SP110: variants seen among roughly 807,000 people sequenced by gnomAD.
SP110 encodes the protein interferon-induced protein 41, 30kD.
A neutral mutation model predicts 92.7 loss-of-function variants in SP110; 62 were observed. That is an observed-to-expected ratio of 0.67 (90% CI 0.55 to 0.83). The LOEUF (loss-of-function observed/expected upper bound fraction) is 0.83, where lower values mean the gene tolerates loss of function less well. Among genes scored for constraint, SP110 ranks in the 40% least tolerant of loss-of-function variants. SP110 has a pLI of 0.00. For synonymous variants in SP110, 273 were observed against 305.3 expected (o/e 0.89, Z 1.10); for missense variants, 793 against 863.9 (o/e 0.92, Z 1.03).
upstream of SP110, among the ~76,000 whole-genome samples, chr2:230,220,269 C>G (rs913723146): frequency 5.3e-5 from 8 of 152,170 alleles, no homozygotes; most frequent in Non-Finnish European, 1.0e-4. Flanking sequence ...GCTTCCCTAA[C>G]CACATCTATT....
chr2:230,202,800 G>T lies in SP110; in HGVS notation c.899-72C>A, dbSNP rs1398822360. The stretch of plus-strand genomic sequence containing the variant: ...TGAGCCTCCTACAGTCCCAATCAGT[G>T]ACTTCCCTTCTCATGCCCCTAACTC... On this transcript the variant is annotated intron_variant, in intron 8 of 18. Coordinates refer to ENST00000258381, the MANE Select transcript of SP110 (RefSeq NM_080424.4). The T allele has an allele frequency of 1.8e-5, 26 of 1,458,756 alleles. No homozygotes were observed. In the Admixed American group the frequency reaches 4.3e-4, roughly 24 times the overall value. 90.4% of individuals were successfully genotyped at this position (1,458,756 alleles called of 1,614,324 possible). A position where few individuals can be genotyped will look rare whatever the true frequency, so the allele number is the denominator to read the frequency against.
intron 14 of SP110, chr2:230,174,080 C>G (rs2041741506): frequency 6.6e-6 from 1 of 152,144 alleles, no homozygotes; most frequent in African/African-American, 2.4e-5. Context: ...TCACAAAGAA[C>G]TCATAGAAAA....
At chr2:230,181,395 C>T (rs961440951) in intron 12 of SP110, among the ~76,000 whole-genome samples, 4 of 152,186 alleles carry the variant, frequency 2.6e-5, no homozygotes, top group African/African-American at 7.2e-5. Context: ...GTGACTTTCA[C>T]GCAGTGAACA....
chr2:230,178,887 A>C (rs564601413), intron 12 of SP110, among the ~76,000 whole-genome samples: 1 of 152,342 alleles, frequency 6.6e-6, no homozygotes, highest in South Asian at 2.1e-4. Flanking sequence ...CAGTTGCAAG[A>C]GGGTTTAAAA....
At chr2:230,192,640 C>T (rs578086200) in intron 10 of SP110, among the ~76,000 whole-genome samples, 2 of 152,200 alleles carry the variant, frequency 1.3e-5, no homozygotes, top group South Asian at 2.1e-4. Context: ...AGAGAGGACA[C>T]AAATGGAAAA....
rs558764041 is a variant in SP110 at position 230,171,757 on chromosome 2, A to T, written c.1826T>A (p.Phe609Tyr). 1 of 1,612,582 alleles carries T rather than the reference A, an allele frequency of 6.2e-7. No homozygotes were observed. Among genetic ancestry groups the T allele is most frequent in the South Asian group, 1.1e-5 (1 of 91,052 alleles). The change falls in exon 17 of 19, where the codon TTC becomes TAC. Residue 609 changes from phenylalanine to tyrosine, a missense_variant. Phe to Tyr is a conservative substitution (Grantham distance 22). Transcript: ENST00000258381. ...ATGACAGTAGGCCTTCAAGAGGAGG[A>T]ACTCACATTTCTGTAAAATGTGAAG... ...MQPQDQLKCE[F>Y]LLLKAYCHPQ... is the part of the protein sequence containing the mutation.
At chr2:230,213,077 C>G in intron 3 of SP110, 50 bp from the exon 4 acceptor site, 2 of 1,594,426 alleles carry the variant, frequency 1.3e-6, no homozygotes, top group South Asian at 2.2e-5. Context: ...CTCAGAATTA[C>G]TTGGGGAAGG....
intron 7 of SP110, among the ~76,000 whole-genome samples, chr2:230,208,305 T>C (rs1428941221): frequency 6.6e-6 from 1 of 152,104 alleles, no homozygotes; most frequent in Non-Finnish European, 1.5e-5. Flanking sequence ...GGTTGTGAAA[T>C]GAAGGAGAGA....
At chr2:230,215,953 G>A (rs1391718350) in intron 2 of SP110, among the ~76,000 whole-genome samples, 1 of 152,214 alleles carries the variant, frequency 6.6e-6, no homozygotes, top group East Asian at 1.9e-4. Flanking sequence ...GTGATCTGAA[G>A]AGGGAGTTGG....
chr2:230,179,260 C>T (rs113095418), intron 12 of SP110, among the ~76,000 whole-genome samples: 59 of 152,222 alleles, frequency 3.9e-4, no homozygotes, highest in Admixed American at 2.1e-3. Flanking sequence ...GTGATCCCCC[C>T]GACAGAACCC....
Position 230,212,377 on chromosome 2 carries a change from T to C in SP110, c.637A>G (p.Met213Val). Reference sequence around the variant, plus strand: ...ACAGTGCTAGTGAGGAGGCTGGGCATCTCTTCTGAGTCTTCTTCCGCATTC... The same window carrying C: ...ACAGTGCTAGTGAGGAGGCTGGGCACCTCTTCTGAGTCTTCTTCCGCATTC... ...KMNAEEDSEE[M>V]PSLLTSTVQV... Residue 213 changes from methionine to valine, a missense_variant, in exon 5 of 19, where the codon ATG becomes GTG. Physicochemically the swap from Met to Val is conservative, Grantham distance 21. Transcript: ENST00000258381. The C allele has an allele frequency of 4.3e-6, 7 of 1,613,596 alleles. No homozygotes were observed. Among genetic ancestry groups the C allele is most frequent in the Non-Finnish European group, 5.9e-6 (7 of 1,179,454 alleles).
At position 230,176,813 on chromosome 2, in the gene SP110, G is replaced by A. The variant is rs946677980; in HGVS notation, c.1590+725C>T. On this transcript the variant is annotated intron_variant, in intron 14 of 18. Transcript: ENST00000258381. The stretch of plus-strand genomic sequence containing the variant: ...CCTTCCCACTTCCTAGTGAATGTCT[G>A]TACCCAGACATCACACTGGATCTCA... 3.0e-6 allele frequency: 4 copies of A among 1,341,026 alleles called. No homozygotes were observed. In the South Asian group the frequency reaches 4.7e-5, roughly 16 times the overall value. The allele number at this position is 1,341,026 out of a possible 1,614,324, so 83.1% of individuals were successfully genotyped here. A position where few individuals can be genotyped will look rare whatever the true frequency, so the allele number is the denominator to read the frequency against.
chr2:230,171,188 G>T (rs1272828442), intron 17 of SP110, among the ~76,000 whole-genome samples: 2 of 152,196 alleles, frequency 1.3e-5, no homozygotes, highest in African/African-American at 2.4e-5. Flanking sequence ...TGCTTCCTGG[G>T]TTCAAGCGAT....
At chr2:230,205,610 C>CTGTCT (rs2043690921) in intron 8 of SP110, among the ~76,000 whole-genome samples, 1 of 151,112 alleles carries the variant, frequency 6.6e-6, no homozygotes. Context: ...AAAAAAAAAT[C>CTGTCT]TGTCTTCAGC....
chr2:230,169,760 T>C (rs1227614960), intron 18 of SP110, among the ~76,000 whole-genome samples: 5 of 152,248 alleles, frequency 3.3e-5, no homozygotes, highest in Admixed American at 6.5e-5. Flanking sequence ...AGGGTTAGTT[T>C]TGATCATGGC....
chr2:230,192,999 T>C (rs1415434249), intron 10 of SP110, among the ~76,000 whole-genome samples: 1 of 152,198 alleles, frequency 6.6e-6, no homozygotes, highest in Non-Finnish European at 1.5e-5. Flanking sequence ...TTTTCTTAGG[T>C]CTAGTAGTAA....
intron 10 of SP110, among the ~76,000 whole-genome samples, chr2:230,198,234 A>G (rs1314115193): frequency 6.6e-6 from 1 of 152,138 alleles, no homozygotes; most frequent in Non-Finnish European, 1.5e-5. Flanking sequence ...CGGGAAAAGA[A>G]TGTGGAGAGC....
chr2:230,221,885 GA>G (rs2045849308), upstream of SP110: 3 of 675,800 alleles, frequency 4.4e-6, no homozygotes, highest in South Asian at 3.5e-5. Context: ...ATTGTTACAT[GA>G]AAAAAAGACA....
intron 10 of SP110, among the ~76,000 whole-genome samples, chr2:230,196,862 G>A (rs2042901247): frequency 6.6e-6 from 1 of 152,144 alleles, no homozygotes; most frequent in South Asian, 2.1e-4. Context: ...TCCCTACAAA[G>A]GACATGAACT....
Sources: allele counts gnomAD v4.1 joint callset (sites outside exome capture counted in the v4.1 genomes callset), GRCh38; gene constraint gnomAD v4.1.1; transcripts MANE v1.5; gene names NCBI Gene and HGNC (gene_info 2026-07-23, HGNC 2026-07-21).